SPICE1: variants seen among roughly 807,000 people sequenced by gnomAD.
SPICE1 encodes spindle and centriole associated protein 1.
A neutral mutation model predicts 102.7 loss-of-function variants in SPICE1; 75 were observed. That is an observed-to-expected ratio of 0.73 (90% CI 0.61 to 0.88). The LOEUF (loss-of-function observed/expected upper bound fraction) is 0.88. SPICE1 is among the 40% of genes least tolerant of loss of function. The pLI, the probability that SPICE1 is intolerant of heterozygous loss-of-function variation, is 0.00. For missense variants in SPICE1, 979 were observed against 1,020.1 expected, an observed-to-expected ratio of 0.96 and a Z score of 0.55; for synonymous variants, 308 against 350.3, an observed-to-expected ratio of 0.88 and a Z score of 1.35.
intron 7 of SPICE1, among the ~76,000 whole-genome samples, chr3:113,487,418 A>G (rs1936673613): frequency 6.6e-6 from 1 of 152,180 alleles, no homozygotes; most frequent in Admixed American, 6.5e-5. Flanking sequence ...GTTCATATAC[A>G]TATGACTATA....
At chr3:113,460,120 C>T (rs933244103) in intron 12 of SPICE1, 3 of 985,276 alleles carry the variant, frequency 3.0e-6, no homozygotes, top group East Asian at 1.1e-4. Context: ...TATGATGGCA[C>T]ATGAGATGAA....
intron 7 of SPICE1, among the ~76,000 whole-genome samples, chr3:113,480,609 T>C (rs11924899): frequency 6.6e-6 from 1 of 152,098 alleles, no homozygotes; most frequent in South Asian, 2.1e-4. Flanking sequence ...AGAAAACTCA[T>C]ATGATTATCT....
At position 113,442,972 on chromosome 3, in the gene SPICE1, A is replaced by C. The variant is rs907187716; in HGVS notation, c.*2335T>G. On this transcript the variant is annotated 3_prime_UTR_variant, in exon 18 of 18. Transcript: ENST00000295872. ...CAGCATGTTTTCTTTCAATCTCTAGACATCTTTTCAGGTGAAATACCTCTA... is the reference window on the plus strand; with the variant it reads ...CAGCATGTTTTCTTTCAATCTCTAGCCATCTTTTCAGGTGAAATACCTCTA... The C allele has an allele frequency of 6.6e-6, 1 of 152,232 alleles. No homozygotes were observed. Among genetic ancestry groups the C allele is most frequent in the Non-Finnish European group, 1.5e-5 (1 of 68,040 alleles). The allele number at this position is 152,232 out of a possible 1,614,324, so 9.4% of individuals were successfully genotyped here. A position where few individuals can be genotyped will look rare whatever the true frequency, so the allele number is the denominator to read the frequency against.
chr3:113,509,497 T>G (rs1206936569), intron 1 of SPICE1, among the ~76,000 whole-genome samples: 1 of 152,202 alleles, frequency 6.6e-6, no homozygotes, highest in Non-Finnish European at 1.5e-5. Flanking sequence ...TGTTAGAATA[T>G]AGGCATTATT....
chr3:113,480,847 G>C (rs1035387742), intron 7 of SPICE1, among the ~76,000 whole-genome samples: 2 of 134,410 alleles, frequency 1.5e-5, no homozygotes, highest in Non-Finnish European at 3.1e-5. Flanking sequence ...ACTGCACTCT[G>C]GCCAGGGTGA....
At chr3:113,473,488 A>G (rs1224738201) in intron 7 of SPICE1, among the ~76,000 whole-genome samples, 1 of 152,238 alleles carries the variant, frequency 6.6e-6, no homozygotes, top group Non-Finnish European at 1.5e-5. Flanking sequence ...TAATTGTCAG[A>G]TTCACCAAAG....
At chr3:113,454,054 T>A (rs1410693263) in intron 13 of SPICE1, 104 bp from the exon 14 acceptor site, 1 of 1,133,030 alleles carries the variant, frequency 8.8e-7, no homozygotes. Flanking sequence ...AGTATTTCAG[T>A]AGAAGGGTTT....
At chr3:113,512,147 T>C (rs1418284135) in intron 1 of SPICE1, among the ~76,000 whole-genome samples, 1 of 152,204 alleles carries the variant, frequency 6.6e-6, no homozygotes, top group East Asian at 1.9e-4. Context: ...CTAAGCCATG[T>C]CCAAACTCAC....
At chr3:113,457,942 T>C (rs1271241629) in intron 12 of SPICE1, among the ~76,000 whole-genome samples, 2 of 152,214 alleles carry the variant, frequency 1.3e-5, no homozygotes, top group Non-Finnish European at 2.9e-5. Flanking sequence ...ATGGCTAAAA[T>C]GGGTCATATT....
intron 3 of SPICE1, among the ~76,000 whole-genome samples, chr3:113,500,145 T>C (rs1242885567): frequency 6.6e-6 from 1 of 152,170 alleles, no homozygotes; most frequent in Non-Finnish European, 1.5e-5. Context: ...ATAGAGTTCC[T>C]GAAGTACAAG....
intron 1 of SPICE1, chr3:113,514,480 C>A: frequency 5.3e-6 from 2 of 375,592 alleles, no homozygotes; most frequent in South Asian, 3.9e-5. Flanking sequence ...CAGACCCTCT[C>A]CCCCATATGG....
At chr3:113,500,408 T>C (rs992263865) in intron 3 of SPICE1, among the ~76,000 whole-genome samples, 1 of 151,990 alleles carries the variant, frequency 6.6e-6, no homozygotes, top group African/African-American at 2.4e-5. Context: ...CAAATGAAGA[T>C]GACATTTTTT....
At chr3:113,480,062 T>A (rs1238766625) in intron 7 of SPICE1, among the ~76,000 whole-genome samples, 1 of 152,086 alleles carries the variant, frequency 6.6e-6, no homozygotes, top group East Asian at 1.9e-4. Context: ...TGAAACAAAA[T>A]TTTTTAAGAA....
At position 113,504,571 on chromosome 3, in the gene SPICE1, CAA is replaced by C. The variant is rs71633321; in HGVS notation, c.100-1346_100-1345del. Among the ~76,000 whole-genome samples the C allele has an allele frequency of 7.1e-3, 481 of 67,804 alleles. 1 individual carries two copies. Among genetic ancestry groups the C allele is most frequent in the African/African-American group, 0.023 (432 of 18,550 alleles). The allele number at this position is 67,804 out of a possible 152,430, so 44.5% of individuals were successfully genotyped here. A position where few individuals can be genotyped will look rare whatever the true frequency, so the allele number is the denominator to read the frequency against. On this transcript the variant is annotated intron_variant, in intron 2 of 17. Transcript: ENST00000295872. Reference sequence around the variant, plus strand: ...TGGGCAACATAGCAAGACCTTGTCTCAAAAAAAAAAAAAAAAAAAAAAAGGGA... The same window carrying C: ...TGGGCAACATAGCAAGACCTTGTCTCAAAAAAAAAAAAAAAAAAAAAGGGA...
At chr3:113,481,609 T>G (rs1351040222) in intron 7 of SPICE1, among the ~76,000 whole-genome samples, 1 of 148,072 alleles carries the variant, frequency 6.8e-6, no homozygotes, top group Non-Finnish European at 1.5e-5. Flanking sequence ...GATGTTCCCC[T>G]CCCTGTGTCC....
intron 15 of SPICE1, among the ~76,000 whole-genome samples, chr3:113,448,376 C>T (rs1559955491): frequency 6.6e-6 from 1 of 151,188 alleles, no homozygotes; most frequent in Non-Finnish European, 1.5e-5. Flanking sequence ...GAGCCAAAAT[C>T]TTCAGACAAG....
chr3:113,509,679 A>G (rs1937180762), intron 1 of SPICE1, among the ~76,000 whole-genome samples: 1 of 152,206 alleles, frequency 6.6e-6, no homozygotes, highest in African/African-American at 2.4e-5. Flanking sequence ...AATTAAATAT[A>G]TAAGTGCTTA....
rs993598365 is a variant in SPICE1 at position 113,499,547 on chromosome 3, T to G, written c.183A>C (p.Arg61Ser). Residue 61 changes from arginine (R) to serine (S), a missense_variant, in exon 4 of 18, where the codon AGA becomes AGC. By Grantham distance (110) the Arg-to-Ser change is moderately radical. Transcript: ENST00000295872. ...RRHEIHKSKN[R>S]ALVHWELQEK... is the part of the protein sequence containing the mutation. ...CTTGGAGTTCCCAGTGTACTAATGC[T>G]CTATTCTTCGATTTGTGTATTTCAT... The G allele has an allele frequency of 3.1e-6, 5 of 1,611,802 alleles. No individual in the cohort carries two copies. The African/African-American group carries it at 5.4e-5, about 17-fold the overall frequency.
chr3:113,486,955 G>A (rs1936663014), intron 7 of SPICE1, among the ~76,000 whole-genome samples: 1 of 151,220 alleles, frequency 6.6e-6, no homozygotes, highest in African/African-American at 2.4e-5. Context: ...CACCTACAAG[G>A]GTAAGTGTAG....
Sources: gnomAD v4.1 joint callset for allele counts (sites outside exome capture counted in the v4.1 genomes callset) on GRCh38, gnomAD v4.1.1 for gene constraint, MANE v1.5 for transcripts, NCBI Gene and HGNC (gene_info 2026-07-23, HGNC 2026-07-21) for gene names.